The following RANBP9 variants were observed in gnomAD, a reference collection of about 807,000 sequenced individuals.
The protein encoded by RANBP9 is ran-binding protein 9.
In RANBP9, 15 loss-of-function variants were observed where a neutral mutation model predicts 84.3. That is an observed-to-expected ratio of 0.18 (90% CI 0.12 to 0.27). The LOEUF is 0.27. RANBP9 is among the 10% of genes least tolerant of loss of function. The pLI is 1.00. For missense variants in RANBP9, 809 were observed against 912.8 expected, an observed-to-expected ratio of 0.89 and a Z score of 1.46; for synonymous variants, 392 against 349.6, an observed-to-expected ratio of 1.12 and a Z score of -1.35.
chr6:13,677,863 A>C (rs1765931100), intron 2 of RANBP9, among the ~76,000 whole-genome samples: 1 of 152,170 alleles, frequency 6.6e-6, no homozygotes. Flanking sequence ...CAAGCCTATA[A>C]TCCCAGCACT....
intron 5 of RANBP9, among the ~76,000 whole-genome samples, chr6:13,652,368 A>T (rs1307802056): frequency 6.6e-6 from 1 of 152,230 alleles, no homozygotes; most frequent in African/African-American, 2.4e-5. Flanking sequence ...CTTCTGCTGA[A>T]AAGTCCAAGG....
At chr6:13,689,962 T>C (rs1562319771) in intron 2 of RANBP9, among the ~76,000 whole-genome samples, 1 of 152,200 alleles carries the variant, frequency 6.6e-6, no homozygotes, top group Non-Finnish European at 1.5e-5. Flanking sequence ...TAGTCCTCTG[T>C]TGGACAGACC....
chr6:13,659,575 CAT>C (rs1245791554), intron 2 of RANBP9, among the ~76,000 whole-genome samples: 4 of 151,982 alleles, frequency 2.6e-5, no homozygotes, highest in South Asian at 2.1e-4. Context: ...AGGAAGAAAA[CAT>C]AACACAATAC....
chr6:13,653,400 C>T (rs1174635205), intron 4 of RANBP9, among the ~76,000 whole-genome samples: 1 of 152,106 alleles, frequency 6.6e-6, no homozygotes, highest in Non-Finnish European at 1.5e-5. Context: ...TTTAAATATT[C>T]CAATATACAA....
At chr6:13,629,110 T>G (rs1764703700) in intron 12 of RANBP9, among the ~76,000 whole-genome samples, 1 of 144,056 alleles carries the variant, frequency 6.9e-6, no homozygotes, top group Non-Finnish European at 1.6e-5. Flanking sequence ...AAAATATCAT[T>G]GAGCCTTTTT....
intron 1 of RANBP9, among the ~76,000 whole-genome samples, chr6:13,702,217 T>C (rs1757991558): frequency 6.6e-6 from 1 of 151,898 alleles, no homozygotes; most frequent in Admixed American, 6.6e-5. Context: ...CCAAGGTGGG[T>C]GGATCACTTG....
intron 2 of RANBP9, among the ~76,000 whole-genome samples, chr6:13,678,868 T>C (rs565554709): frequency 6.6e-6 from 1 of 152,144 alleles, no homozygotes; most frequent in Non-Finnish European, 1.5e-5. Context: ...ATCCAACACC[T>C]ACATTCTTAG....
chr6:13,696,751 T>C (rs2113357399), intron 2 of RANBP9, 34 bp downstream of exon 2: 1 of 1,537,440 alleles, frequency 6.5e-7, no homozygotes. Flanking sequence ...ACAAAAAAAC[T>C]AGCAAACGAT....
chr6:13,643,331 G>C (rs1023741829), intron 6 of RANBP9, among the ~76,000 whole-genome samples: 1 of 152,144 alleles, frequency 6.6e-6, no homozygotes, highest in Non-Finnish European at 1.5e-5. Context: ...AAAAACTGGT[G>C]ATGCAACAAT....
chr6:13,660,339 T>C (rs1765511431), intron 2 of RANBP9, among the ~76,000 whole-genome samples: 2 of 152,080 alleles, frequency 1.3e-5, no homozygotes, highest in South Asian at 2.1e-4. Flanking sequence ...GGAAACCTTG[T>C]CTCAAAAAAA....
chr6:13,660,360 T>C (rs1353918873), intron 2 of RANBP9, among the ~76,000 whole-genome samples: 3 of 151,780 alleles, frequency 2.0e-5, no homozygotes, highest in African/African-American at 7.3e-5. Context: ...AACAAAACCA[T>C]CAGTTGTGTG....
chr6:13,674,573 CTG>C (rs1268797757), intron 2 of RANBP9, among the ~76,000 whole-genome samples: 4 of 152,216 alleles, frequency 2.6e-5, no homozygotes, highest in African/African-American at 9.7e-5. Context: ...AACTGACAAA[CTG>C]TGTCTGTTGC....
At chr6:13,703,179 T>C (rs114264517) in intron 1 of RANBP9, among the ~76,000 whole-genome samples, 3,264 of 152,284 alleles carry the variant, frequency 0.021, 126 homozygotes, top group African/African-American at 0.074. Flanking sequence ...CACCCTCCCG[T>C]GCTCAGCTTC....
chr6:13,705,868 C>CAAAAAAAAAAAAAAAAAAAAAAAA (rs767070995), intron 1 of RANBP9, among the ~76,000 whole-genome samples: 71 of 76,694 alleles, frequency 9.3e-4, no homozygotes, highest in African/African-American at 1.1e-3. Flanking sequence ...GACTCCGTCT[C>CAAAAAAAAAAAAAAAAAAAAAAAA]AAAAAAAAAA....
At chr6:13,680,576 A>G (rs957072169) in intron 2 of RANBP9, among the ~76,000 whole-genome samples, 2 of 151,988 alleles carry the variant, frequency 1.3e-5, no homozygotes, top group African/African-American at 4.8e-5. Flanking sequence ...CCCTGTCCCA[A>G]CAAAAATAAA....
chr6:13,644,739 A>G lies in RANBP9; in HGVS notation c.928-10T>C. 1.9e-6 allele frequency: 3 copies of G among 1,552,764 alleles called. No homozygotes were observed. Among genetic ancestry groups the G allele is most frequent in the Non-Finnish European group, 2.6e-6 (3 of 1,151,192 alleles). On this transcript the variant is annotated splice_polypyrimidine_tract_variant and intron_variant, in intron 5 of 13. Transcript: ENST00000011619. ...TAGGATACAAATTTGGCTGTAAGAT[A>G]GCATATTTCATTAAACATCTATCCA...
chr6:13,634,481 T>C lies in RANBP9; in HGVS notation c.1745A>G (p.Asn582Ser). 1 of 1,613,678 alleles carries C rather than the reference T, an allele frequency of 6.2e-7. No individual in the cohort carries two copies. The highest frequency in any genetic ancestry group is 8.5e-7 in the Non-Finnish European group (1 of 1,179,680). ...VGETSSNGFL[N>S]GSSKHDHEME... ...TTCGTGGTCATGTTTAGAGCTACCA[T>C]TTAGGAAACCATTGGATGAAGTTTC... The change falls in exon 11 of 14, where the codon AAT becomes AGT. Residue 582 changes from asparagine to serine, a missense_variant. This residue lies in a region of RANBP9 where 233 missense variants were observed against 234.4 expected (regional missense o/e 0.99). Coordinates refer to ENST00000011619, the MANE Select transcript of RANBP9 (RefSeq NM_005493.3).
chr6:13,682,632 G>C (rs1296583156), intron 2 of RANBP9, among the ~76,000 whole-genome samples: 1 of 152,026 alleles, frequency 6.6e-6, no homozygotes, highest in Non-Finnish European at 1.5e-5. Flanking sequence ...TTTGTTACTA[G>C]TAGAGACAGG....
intron 2 of RANBP9, among the ~76,000 whole-genome samples, chr6:13,695,949 T>C (rs140664847): frequency 0.014 from 2,105 of 151,302 alleles, 50 homozygotes; most frequent in African/African-American, 0.049. Flanking sequence ...TCCACACAGC[T>C]CAATAAGCTT....
Sources: allele counts gnomAD v4.1 joint callset (sites outside exome capture counted in the v4.1 genomes callset), GRCh38; gene constraint gnomAD v4.1.1; regional missense constraint gnomAD v4.1.1; transcripts MANE v1.5; gene names NCBI Gene and HGNC (gene_info 2026-07-23, HGNC 2026-07-21).